Variants in PDE6C observed in about 807,000 individuals in gnomAD.
The protein encoded by PDE6C is phosphodiesterase 6C, also known as cone cGMP-specific 3',5'-cyclic phosphodiesterase subunit alpha'.
A neutral mutation model predicts 113.1 loss-of-function variants in PDE6C; 75 were observed. That is an observed-to-expected ratio of 0.66 (90% CI 0.55 to 0.80). The LOEUF (loss-of-function observed/expected upper bound fraction) is 0.80, where lower values mean the gene tolerates loss of function less well. Among genes scored for constraint, PDE6C ranks in the 30% least tolerant of loss-of-function variants. The pLI is 0.00. For synonymous variants in PDE6C, 375 were observed against 363.7 expected (o/e 1.03, Z -0.35); for missense variants, 912 against 1,038.6 (o/e 0.88, Z 1.67).
intron 16 of PDE6C, among the ~76,000 whole-genome samples, chr10:93,656,107 ATAT>A (rs1361321196): frequency 6.6e-6 from 1 of 152,178 alleles, no homozygotes; most frequent in Non-Finnish European, 1.5e-5. Context: ...TAAGCTCCTA[ATAT>A]TAAGTAGGTT....
chr10:93,620,566 T>A (rs2058440451), intron 1 of PDE6C, 66 bp from the exon 2 acceptor site: 1 of 1,491,036 alleles, frequency 6.7e-7, no homozygotes. Flanking sequence ...TGATCTGTCA[T>A]CATCCCTAGA....
intron 1 of PDE6C, among the ~76,000 whole-genome samples, chr10:93,614,559 G>A (rs982298811): frequency 2.6e-5 from 4 of 152,164 alleles, no homozygotes; most frequent in Non-Finnish European, 4.4e-5. Context: ...TTTTCTCATG[G>A]GAATACGCTC....
At chr10:93,629,851 C>T (rs957016157) in intron 8 of PDE6C, among the ~76,000 whole-genome samples, 3 of 152,064 alleles carry the variant, frequency 2.0e-5, no homozygotes, top group African/African-American at 7.3e-5. Flanking sequence ...GAAGTTTCAC[C>T]CGAGTACCCA....
Position 93,634,865 on chromosome 10 carries a change from G to A in PDE6C, c.1227G>A (p.Lys409=). 6.2e-7 allele frequency: 1 copy of A among 1,614,084 alleles called. No homozygotes were observed. Among genetic ancestry groups the A allele is most frequent in the Non-Finnish European group, 8.5e-7 (1 of 1,179,984 alleles). Residue 409 remains lysine (K), a synonymous_variant, in exon 9 of 22, where the codon AAG becomes AAA. Coordinates refer to ENST00000371447, the MANE Select transcript of PDE6C (RefSeq NM_006204.4). ...GAGTGGCTACATTTTACAACAGGAA[G>A]GATGGAAAACCTTTCGATGAGCATG... ...IVGVATFYNR[K]DGKPFDEHDE... is the part of the protein sequence containing the mutation.
At chr10:93,637,122 T>C (rs2058537342) in intron 11 of PDE6C, 59 bp downstream of exon 11, 1 of 838,520 alleles carries the variant, frequency 1.2e-6, no homozygotes, top group Non-Finnish European at 2.1e-6. Context: ...AAATCAATAA[T>C]ATATTAGGAC....
At chr10:93,654,754 CTT>C (rs1408957758) in intron 15 of PDE6C, among the ~76,000 whole-genome samples, 1 of 31,882 alleles carries the variant, frequency 3.1e-5, no homozygotes, top group Non-Finnish European at 5.4e-5. Context: ...TACTCATTTT[CTT>C]TCTTTCTTTC....
At position 93,649,065 on chromosome 10, in the gene PDE6C, A is replaced by C. The variant is rs77839525; in HGVS notation, c.1935+3018A>C. 2.3e-3 allele frequency among the ~76,000 whole-genome samples: 353 copies of C among 152,318 alleles called. 2 individuals are homozygous for C. Among genetic ancestry groups the C allele is most frequent in the African/African-American group, 7.8e-3 (325 of 41,570 alleles). ...GGCCTCAGCTAGCTCGAGAGCCACG[A>C]TCTGAATGAATTAAAGCCATTTCTA... On this transcript the variant is annotated intron_variant, in intron 15 of 21. Coordinates refer to ENST00000371447, the MANE Select transcript of PDE6C (RefSeq NM_006204.4).
intron 17 of PDE6C, 36 bp downstream of exon 17, chr10:93,659,044 T>G (rs754221816): frequency 6.3e-7 from 1 of 1,579,034 alleles, no homozygotes; most frequent in Non-Finnish European, 8.7e-7. Context: ...TCTTGTTTTT[T>G]GTAAAAATAA....
chr10:93,630,379 AC>A (rs1365094655), intron 8 of PDE6C, among the ~76,000 whole-genome samples: 1 of 49,502 alleles, frequency 2.0e-5, no homozygotes, highest in Non-Finnish European at 3.8e-5. Context: ...CATCTTCACC[AC>A]CCCCTCCCCA....
intron 1 of PDE6C, among the ~76,000 whole-genome samples, chr10:93,613,907 A>G (rs961927204): frequency 1.3e-5 from 2 of 152,234 alleles, no homozygotes; most frequent in Admixed American, 6.5e-5. Flanking sequence ...CCAACAGCAT[A>G]CTGCACAAAT....
chr10:93,660,259 A>G (rs892474546), intron 18 of PDE6C, among the ~76,000 whole-genome samples: 20 of 152,242 alleles, frequency 1.3e-4, no homozygotes, highest in African/African-American at 4.6e-4. Flanking sequence ...TTTTACATGT[A>G]ATACAGGAGC....
chr10:93,622,354 G>T (rs1254461072), intron 4 of PDE6C, among the ~76,000 whole-genome samples: 1 of 151,638 alleles, frequency 6.6e-6, no homozygotes, highest in Non-Finnish European at 1.5e-5. Context: ...TGATTATAAA[G>T]TACGGAGTTT....
chr10:93,641,109 A>C, intron 14 of PDE6C, 80 bp downstream of exon 14: 1 of 855,814 alleles, frequency 1.2e-6, no homozygotes, highest in South Asian at 1.4e-5. Context: ...GCTTCTCCCT[A>C]TTCCTTGGCC....
intron 16 of PDE6C, among the ~76,000 whole-genome samples, chr10:93,657,222 C>T (rs1320094773): frequency 3.3e-5 from 5 of 151,614 alleles, no homozygotes; most frequent in African/African-American, 4.9e-5. Context: ...AGTGCAGTGG[C>T]GCAATCTCGG....
chr10:93,638,562 G>A (rs1267213620), intron 11 of PDE6C, among the ~76,000 whole-genome samples: 2 of 152,186 alleles, frequency 1.3e-5, no homozygotes, highest in African/African-American at 2.4e-5. Flanking sequence ...ATCTTATGTT[G>A]TAGAAGCAAT....
At chr10:93,653,711 C>A (rs1303292145) in intron 15 of PDE6C, among the ~76,000 whole-genome samples, 1 of 152,086 alleles carries the variant, frequency 6.6e-6, no homozygotes, top group Non-Finnish European at 1.5e-5. Context: ...CAGATAATCT[C>A]TCTTTTGTTT....
chr10:93,642,429 G>A (rs912963836), intron 14 of PDE6C, among the ~76,000 whole-genome samples: 2 of 152,136 alleles, frequency 1.3e-5, no homozygotes, highest in African/African-American at 2.4e-5. Flanking sequence ...TGATGTCATT[G>A]GACTATTCAT....
At chr10:93,636,589 A>G (rs985287249) in intron 10 of PDE6C, among the ~76,000 whole-genome samples, 5 of 151,874 alleles carry the variant, frequency 3.3e-5, no homozygotes, top group African/African-American at 9.7e-5. Context: ...TCTTTCCTAC[A>G]TGCAAACAAC....
Position 93,663,105 on chromosome 10 carries a change from A to C in PDE6C, c.2445A>C (p.Leu815=). Residue 815 remains leucine (L), a synonymous_variant, in exon 21 of 22, where the codon CTA becomes CTC. Transcript: ENST00000371447. ...ATAACAGAGTAGAATGGAAATCACT[A>C]GCTGATGAGTATGATGCAAAGATGA... The part of the protein sequence containing the change: ...LQNNRVEWKS[L]ADEYDAKMKV... 6.2e-7 allele frequency: 1 copy of C among 1,613,536 alleles called. No individual in the cohort carries two copies. The highest frequency in any genetic ancestry group is 2.2e-5 in the East Asian group (1 of 44,818).
Sources: allele counts gnomAD v4.1 joint callset (sites outside exome capture counted in the v4.1 genomes callset), GRCh38; gene constraint gnomAD v4.1.1; transcripts MANE v1.5; gene names NCBI Gene and HGNC (gene_info 2026-07-23, HGNC 2026-07-21).